Variants in PLEKHA1 observed in about 807,000 individuals in gnomAD.
PLEKHA1 encodes the protein pleckstrin homology domain-containing family A member 1.
A neutral mutation model predicts 52.0 loss-of-function variants in PLEKHA1; 34 were observed. The ratio of observed to expected loss-of-function variants is 0.65; its 90% confidence interval spans 0.50 to 0.87. PLEKHA1 has a LOEUF of 0.87. Ranked by LOEUF, PLEKHA1 falls within the 40% of genes least tolerant of loss-of-function variation. The pLI is 0.00. For synonymous variants in PLEKHA1, 163 were observed against 170.7 expected (o/e 0.95, Z 0.35); for missense variants, 497 against 504.2 (o/e 0.99, Z 0.14).
At position 122,393,284 on chromosome 10, in the gene PLEKHA1, G is replaced by A. The variant is rs1246727641; in HGVS notation, c.84G>A (p.Arg28=). The A allele has an allele frequency of 6.2e-7, 1 of 1,612,984 alleles. No homozygotes were observed. The highest frequency in any genetic ancestry group is 8.5e-7 in the Non-Finnish European group (1 of 1,179,528). Reference sequence around the variant, plus strand: ...AAAACAGTGGGAAATTTCTTCGAAGGTACTTCATACTGGATACCAGAGAAG... The same window carrying A: ...AAAACAGTGGGAAATTTCTTCGAAGATACTTCATACTGGATACCAGAGAAG... The part of the protein sequence containing the change: ...ENENSGKFLR[R]YFILDTREDS... The change falls in exon 2 of 12, where the codon AGG becomes AGA. Residue 28 remains arginine, a synonymous_variant. Transcript: ENST00000368990. The surrounding 1 kb of genome is among the most constrained non-coding windows in gnomAD (Gnocchi z 4.5).
rs71026017 is a variant in PLEKHA1, at chr10:122,385,909, GT to G, written c.-20-7265del. 1.4e-3 allele frequency among the ~76,000 whole-genome samples: 213 copies of G among 152,208 alleles called. 1 individual carries two copies. Among genetic ancestry groups the G allele is most frequent in the Admixed American group, 3.1e-3 (47 of 15,282 alleles). On this transcript the variant is annotated intron_variant, in intron 1 of 11. Transcript: ENST00000368990. ...GTTGAAGGACATTTGGGTTGTTCGT[GT>G]TTTTTTGCCAGTTATGACTAATACT...
chr10:122,404,834 G>A (rs1240565678), intron 4 of PLEKHA1, among the ~76,000 whole-genome samples: 1 of 152,172 alleles, frequency 6.6e-6, no homozygotes, highest in Non-Finnish European at 1.5e-5. Flanking sequence ...GTAGTTTAGA[G>A]TGTTTTGGTC....
chr10:122,398,094 A>G (rs539789288), intron 3 of PLEKHA1, 120 bp downstream of exon 3: 7 of 715,214 alleles, frequency 9.8e-6, no homozygotes, highest in African/African-American at 6.9e-5. Flanking sequence ...TTCCTATCAT[A>G]CTGAAATGGT....
At chr10:122,406,336 A>G (rs1220059801) in intron 4 of PLEKHA1, among the ~76,000 whole-genome samples, 1 of 152,238 alleles carries the variant, frequency 6.6e-6, no homozygotes, top group Non-Finnish European at 1.5e-5. Context: ...AGTGTCTATC[A>G]TTAGGGGATT....
At chr10:122,429,494 T>TTGTGTGTGTGTGTG (rs35620141) in intron 11 of PLEKHA1, 130 bp from the exon 12 acceptor site, 114 of 655,938 alleles carry the variant, frequency 1.7e-4, no homozygotes, top group African/African-American at 1.4e-3. Context: ...GCTGCTGCCT[T>TTGTGTGTGTGTGTG]TGTGTGTGTG....
At chr10:122,408,862 T>A (rs1486529436) in intron 5 of PLEKHA1, among the ~76,000 whole-genome samples, 1 of 152,208 alleles carries the variant, frequency 6.6e-6, no homozygotes, top group Non-Finnish European at 1.5e-5. Flanking sequence ...TTTTGATGTA[T>A]GTACTTAATA....
chr10:122,408,076 C>G (rs186224852), intron 5 of PLEKHA1, among the ~76,000 whole-genome samples: 2 of 152,264 alleles, frequency 1.3e-5, no homozygotes, highest in Admixed American at 1.3e-4. Flanking sequence ...AATTTTTTAA[C>G]CTGATTCAGA....
At chr10:122,389,070 G>A (rs970694126) in intron 1 of PLEKHA1, among the ~76,000 whole-genome samples, 12 of 152,152 alleles carry the variant, frequency 7.9e-5, no homozygotes, top group Middle Eastern at 3.2e-3. Flanking sequence ...ACCTCCTCTT[G>A]TGAATCATGA....
rs1265340963 is a variant in PLEKHA1, at chr10:122,421,639, T to TA, written c.682-2553dup. On this transcript the variant is annotated intron_variant, in intron 8 of 11. Coordinates refer to ENST00000368990, the MANE Select transcript of PLEKHA1 (RefSeq NM_001001974.4). ...ATAAATTCGTGTTTGTTTCAAAGATTAAAAAAAGAGAGAAAATGGAGGGGA... is the reference window on the plus strand; with the variant it reads ...ATAAATTCGTGTTTGTTTCAAAGATTAAAAAAAAGAGAGAAAATGGAGGGGA... The TA allele has an allele frequency of 2.6e-5, 4 of 151,684 alleles. No individual in the cohort carries two copies. In the South Asian group the frequency reaches 8.3e-4, roughly 32 times the overall value. The allele number at this position is 151,684 out of a possible 1,614,324, so 9.4% of individuals were successfully genotyped here.
intron 6 of PLEKHA1, among the ~76,000 whole-genome samples, chr10:122,414,597 ACAGTAAAAAG>A (rs2097148801): frequency 6.6e-6 from 1 of 152,150 alleles, no homozygotes; most frequent in South Asian, 2.1e-4. Flanking sequence ...TCAGAACCCA[ACAGTAAAAAG>A]CCCAAGAAAT....
At chr10:122,438,972 G>A in the PLEKHA1 span, 2 of 152,210 alleles carry the variant, frequency 1.3e-5, no homozygotes, top group African/African-American at 4.8e-5. Flanking sequence ...GCGGCCCGTG[G>A]GCTGTGGGTT....
At chr10:122,427,417 A>G (rs1196826642) in intron 11 of PLEKHA1, among the ~76,000 whole-genome samples, 2 of 152,102 alleles carry the variant, frequency 1.3e-5, no homozygotes, top group Admixed American at 6.5e-5. Flanking sequence ...GAACGTCTCA[A>G]TTTCCTCTTT....
rs768998431 is a variant in PLEKHA1, at chr10:122,429,727, CA to C, written c.1006del (p.Thr336ProfsTer35). 1.9e-6 allele frequency: 3 copies of C among 1,614,040 alleles called. No homozygotes were observed. In the African/African-American group the frequency reaches 4.0e-5, roughly 22 times the overall value. On this transcript the variant is annotated frameshift_variant, in exon 12 of 12. Transcript: ENST00000368990. LOFTEE classifies it high-confidence loss of function. Reference sequence around the variant, plus strand: ...GCCTCTCGCAGCAACTCTTTGGTCTCAACCTTTACCATGGAGAAGCGAGGAT... The same window carrying C: ...GCCTCTCGCAGCAACTCTTTGGTCTCACCTTTACCATGGAGAAGCGAGGAT... ...STASRSNSLV[S>X]TFTMEKRGFY...
chr10:122,408,548 T>C (rs117169865), intron 5 of PLEKHA1, among the ~76,000 whole-genome samples: 17,086 of 152,196 alleles, frequency 0.11, 1,337 homozygotes, highest in Non-Finnish European at 0.17. Flanking sequence ...ATAGAAGTTA[T>C]AGAAATCCTT....
the PLEKHA1 span, chr10:122,442,061 C>T: frequency 1.3e-5 from 2 of 152,140 alleles, no homozygotes; most frequent in Non-Finnish European, 2.9e-5. Flanking sequence ...AGTGTAATTC[C>T]GTGGAGATGA....
At chr10:122,391,306 T>C (rs1455883606) in intron 1 of PLEKHA1, among the ~76,000 whole-genome samples, 1 of 152,214 alleles carries the variant, frequency 6.6e-6, no homozygotes, top group East Asian at 1.9e-4. Context: ...ATATAATTTT[T>C]GTTGTTGCTC....
intron 1 of PLEKHA1, among the ~76,000 whole-genome samples, chr10:122,378,436 A>G (rs1433791424): frequency 7.2e-6 from 1 of 138,044 alleles, no homozygotes; most frequent in African/African-American, 2.7e-5. Flanking sequence ...TGTCATTTAC[A>G]GTTATCAAAA....
rs766479242 is a variant in PLEKHA1 at position 122,393,298 on chromosome 10, A to G, written c.98A>G (p.Asp33Gly). 6.2e-7 allele frequency: 1 copy of G among 1,612,896 alleles called. No homozygotes were observed. The highest frequency in any genetic ancestry group is 8.5e-7 in the Non-Finnish European group (1 of 1,179,432). The part of the protein sequence containing the change: ...GKFLRRYFIL[D>G]TREDSFVWYM... The stretch of plus-strand genomic sequence containing the variant: ...TTTCTTCGAAGGTACTTCATACTGG[A>G]TACCAGAGAAGATAGTTTCGTGTGG... The change falls in exon 2 of 12, where the codon GAT becomes GGT. Residue 33 changes from aspartate (D) to glycine (G), a missense_variant. Physicochemically the swap from Asp to Gly is moderately conservative, Grantham distance 94. Coordinates refer to ENST00000368990, the MANE Select transcript of PLEKHA1 (RefSeq NM_001001974.4). The surrounding 1 kb of genome is among the most constrained non-coding windows in gnomAD (Gnocchi z 4.5).
chr10:122,404,598 T>TA (rs1951290004), intron 4 of PLEKHA1, among the ~76,000 whole-genome samples: 1 of 152,248 alleles, frequency 6.6e-6, no homozygotes, highest in Non-Finnish European at 1.5e-5. Flanking sequence ...GGCTAGAAAT[T>TA]AAAAACAAGT....
Sources: allele counts gnomAD v4.1 joint callset (sites outside exome capture counted in the v4.1 genomes callset), GRCh38; gene constraint gnomAD v4.1.1; non-coding constraint Gnocchi (gnomAD v3.1); transcripts MANE v1.5; gene names NCBI Gene and HGNC (gene_info 2026-07-23, HGNC 2026-07-21).